Variants in GPC6 observed in about 807,000 individuals in gnomAD.
GPC6 encodes the protein glypican-6.
Under a neutral mutation model 55.2 loss-of-function variants are expected in GPC6, and 14 were observed. The ratio of observed to expected loss-of-function variants is 0.25; its 90% CI spans 0.17 to 0.40. GPC6 has a LOEUF of 0.40. Ranked by LOEUF, GPC6 falls within the 10% of genes least tolerant of loss-of-function variation. GPC6 has a pLI of 1.00. For synonymous variants in GPC6, 278 were observed against 259.6 expected (o/e 1.07, Z -0.68); for missense variants, 641 against 708.5 (o/e 0.90, Z 1.08).
intron 4 of GPC6, among the ~76,000 whole-genome samples, chr13:94,266,003 A>G (rs879262759): frequency 3.9e-5 from 6 of 152,180 alleles, no homozygotes; most frequent in Non-Finnish European, 7.4e-5. Context: ...AAACCAGGAC[A>G]TGGATGTTCA....
chr13:94,046,108 C>CA (rs145268593), intron 4 of GPC6, among the ~76,000 whole-genome samples: 1 of 151,772 alleles, frequency 6.6e-6, no homozygotes, highest in African/African-American at 2.4e-5. Flanking sequence ...GGACTGCCAA[C>CA]AAAAAAATAG....
chr13:93,871,010 A>G (rs1351779225), intron 3 of GPC6, among the ~76,000 whole-genome samples: 1 of 151,874 alleles, frequency 6.6e-6, no homozygotes, highest in East Asian at 2.0e-4. Context: ...CAGGACAGTT[A>G]AAAATTTTTT....
chr13:93,394,347 C>A (rs760650761), intron 1 of GPC6, among the ~76,000 whole-genome samples: 1 of 152,122 alleles, frequency 6.6e-6, no homozygotes, highest in Non-Finnish European at 1.5e-5. Context: ...TGGCTTAGAA[C>A]CCCACACATA....
At chr13:93,814,439 T>C (rs1886786669) in intron 2 of GPC6, among the ~76,000 whole-genome samples, 1 of 152,220 alleles carries the variant, frequency 6.6e-6, no homozygotes, top group African/African-American at 2.4e-5. Context: ...TTCAACATGG[T>C]CAGCCTTGAT....
chr13:94,377,188 C>T (rs1171608491), intron 6 of GPC6, among the ~76,000 whole-genome samples: 1 of 151,916 alleles, frequency 6.6e-6, no homozygotes, highest in Non-Finnish European at 1.5e-5. Context: ...ACAAAAGACA[C>T]AATTGACAAA....
chr13:94,256,663 T>G lies in GPC6; in HGVS notation c.878-29686T>G, dbSNP rs185595539. On this transcript the variant is annotated intron_variant, in intron 4 of 8. Coordinates refer to ENST00000377047, the MANE Select transcript of GPC6 (RefSeq NM_005708.5). The stretch of plus-strand genomic sequence containing the variant: ...CCGCACTGCAAAGTCTTGTAGTTCT[T>G]AGATTCTATTCTACAGGATTTAACC... Among the ~76,000 whole-genome samples the G allele has an allele frequency of 4.6e-5, 7 of 152,284 alleles. No individual in the cohort carries two copies. In the East Asian group the frequency reaches 1.4e-3, roughly 29 times the overall value.
intron 3 of GPC6, among the ~76,000 whole-genome samples, chr13:93,832,338 T>A (rs1887553086): frequency 6.6e-6 from 1 of 151,392 alleles, no homozygotes; most frequent in Non-Finnish European, 1.5e-5. Context: ...CATTTTGTTG[T>A]AAAATAAGTG....
intron 2 of GPC6, among the ~76,000 whole-genome samples, chr13:93,812,039 G>T (rs1398489450): frequency 6.7e-6 from 1 of 150,082 alleles, no homozygotes; most frequent in African/African-American, 2.5e-5. Flanking sequence ...GTGAAGTGGT[G>T]TTATATTTAG....
intron 4 of GPC6, among the ~76,000 whole-genome samples, chr13:94,236,427 TAA>T (rs1266143869): frequency 2.0e-5 from 3 of 152,142 alleles, no homozygotes; most frequent in Non-Finnish European, 4.4e-5. Flanking sequence ...AGAATTGTGT[TAA>T]GAGACAGGAA....
chr13:93,302,886 C>T (rs567415900), intron 1 of GPC6, among the ~76,000 whole-genome samples: 5 of 152,278 alleles, frequency 3.3e-5, no homozygotes, highest in African/African-American at 1.2e-4. Flanking sequence ...AGCTGGGCCT[C>T]CTAAGTAGCA....
chr13:93,546,946 G>A (rs1442229858), intron 2 of GPC6, among the ~76,000 whole-genome samples: 2 of 150,572 alleles, frequency 1.3e-5, no homozygotes, highest in African/African-American at 2.4e-5. Context: ...AGTATTCATG[G>A]TAGATGATAT....
intron 3 of GPC6, among the ~76,000 whole-genome samples, chr13:93,988,038 T>A (rs1174996933): frequency 6.6e-6 from 1 of 152,154 alleles, no homozygotes; most frequent in Non-Finnish European, 1.5e-5. Flanking sequence ...GATCTGCATC[T>A]ACTCCTTCTT....
At chr13:93,827,682 A>C (rs1887314941) in intron 2 of GPC6, among the ~76,000 whole-genome samples, 1 of 152,206 alleles carries the variant, frequency 6.6e-6, no homozygotes, top group South Asian at 2.1e-4. Flanking sequence ...ACTCTTAGAC[A>C]ACAATGTAAG....
chr13:93,979,789 A>G (rs1196567558), intron 3 of GPC6, among the ~76,000 whole-genome samples: 1 of 152,150 alleles, frequency 6.6e-6, no homozygotes, highest in Non-Finnish European at 1.5e-5. Context: ...GATAGTTTAA[A>G]AAGTCCATGT....
chr13:93,216,986 G>T, the GPC6 span, among the ~76,000 whole-genome samples: 25,595 of 152,078 alleles, frequency 0.17, 2,443 homozygotes, highest in Admixed American at 0.21. Context: ...TAATAGTTTT[G>T]CATGATGGTT....
chr13:94,047,166 C>A (rs1412124958), intron 4 of GPC6, among the ~76,000 whole-genome samples: 1 of 151,996 alleles, frequency 6.6e-6, no homozygotes. Flanking sequence ...TATTGGTATT[C>A]TTGGATAATG....
At chr13:94,212,929 G>A (rs1369976015) in intron 4 of GPC6, among the ~76,000 whole-genome samples, 2 of 152,186 alleles carry the variant, frequency 1.3e-5, no homozygotes, top group East Asian at 3.8e-4. Flanking sequence ...AGGCCAAGGT[G>A]GGCAGATCAC....
At chr13:94,171,142 A>T (rs1050172360) in intron 4 of GPC6, among the ~76,000 whole-genome samples, 7 of 152,188 alleles carry the variant, frequency 4.6e-5, no homozygotes, top group Admixed American at 4.6e-4. Context: ...TTGGTCATGC[A>T]GAAAGGCCCT....
chr13:94,319,000 A>G (rs9589952), intron 6 of GPC6, among the ~76,000 whole-genome samples: 59,548 of 151,924 alleles, frequency 0.39, 12,095 homozygotes, highest in African/African-American at 0.42. Context: ...AACATCACAT[A>G]GCTAGATTTA....
Sources: gnomAD v4.1 joint callset for allele counts (sites outside exome capture counted in the v4.1 genomes callset) on GRCh38, gnomAD v4.1.1 for gene constraint, MANE v1.5 for transcripts, NCBI Gene and HGNC (gene_info 2026-07-23, HGNC 2026-07-21) for gene names.